CDK7: variants seen among roughly 807,000 people sequenced by gnomAD.
CDK7 encodes the protein cyclin dependent kinase 7.
Under a neutral mutation model 49.1 loss-of-function variants are expected in CDK7, and 25 were observed. That is an observed-to-expected ratio of 0.51 (90% CI 0.37 to 0.71). The LOEUF (loss-of-function observed/expected upper bound fraction) is 0.71. Ranked by LOEUF, CDK7 falls within the 30% of genes least tolerant of loss-of-function variation. The pLI is 0.00. For synonymous variants in CDK7, 107 were observed against 140.0 expected, an observed-to-expected ratio of 0.76 and a Z score of 1.67; for missense variants, 316 against 411.7, an observed-to-expected ratio of 0.77 and a Z score of 2.01.
chr5:69,247,631 GGTT>G (rs1171929185), intron 2 of CDK7, among the ~76,000 whole-genome samples: 2 of 150,772 alleles, frequency 1.3e-5, no homozygotes, highest in Admixed American at 1.3e-4. Flanking sequence ...CTTGTTTTCT[GGTT>G]GTTTTGTGGT....
At chr5:69,240,928 C>G (rs1391195606) in intron 2 of CDK7, among the ~76,000 whole-genome samples, 1 of 151,974 alleles carries the variant, frequency 6.6e-6, no homozygotes, top group Non-Finnish European at 1.5e-5. Context: ...CACCTGGCCT[C>G]TTTTATTTTT....
intron 2 of CDK7, 51 bp downstream of exon 2, chr5:69,235,504 TATTA>T (rs1318629375): frequency 3.3e-6 from 4 of 1,217,178 alleles, no homozygotes; most frequent in Non-Finnish European, 3.7e-6. Flanking sequence ...ATGTCTGTAT[TATTA>T]ATTGACTGAT....
chr5:69,245,309 C>CCCCCCCCCTTT (rs1749675745), intron 2 of CDK7, among the ~76,000 whole-genome samples: 2 of 106,054 alleles, frequency 1.9e-5, no homozygotes, highest in Admixed American at 2.2e-4. Flanking sequence ...CCCTCCCCTT[C>CCCCCCCCCTTT]CCCCTCCCCT....
intron 5 of CDK7, among the ~76,000 whole-genome samples, chr5:69,256,533 G>C (rs1750502048): frequency 6.6e-6 from 1 of 151,644 alleles, no homozygotes. Flanking sequence ...TAGAGATGGG[G>C]TTTCACTATG....
intron 2 of CDK7, among the ~76,000 whole-genome samples, chr5:69,243,689 A>G (rs1231305877): frequency 6.6e-6 from 1 of 152,106 alleles, no homozygotes; most frequent in Non-Finnish European, 1.5e-5. Context: ...GTATATTGAT[A>G]GAGATTACAT....
At chr5:69,268,463 G>C (rs186341098) in intron 8 of CDK7, among the ~76,000 whole-genome samples, 2 of 152,100 alleles carry the variant, frequency 1.3e-5, no homozygotes, top group African/African-American at 4.8e-5. Flanking sequence ...ATCTAATAAC[G>C]TACCCAATAC....
intron 5 of CDK7, chr5:69,255,844 A>AT (rs1284513831): frequency 3.4e-6 from 1 of 290,614 alleles, no homozygotes; most frequent in Non-Finnish European, 6.6e-6. Flanking sequence ...TTTTTTTGTG[A>AT]TGGAGTCTCA....
Position 69,258,081 on chromosome 5 carries a change from A to G in CDK7, c.336A>G (p.Ser112=), listed in dbSNP as rs374386584. The change falls in exon 6 of 12, where the codon TCA becomes TCG. Residue 112 remains serine (S), a synonymous_variant. Transcript: ENST00000256443. ...IKDNSLVLTP[S]HIKAYMLMTL... ...ATAATAGTCTTGTGCTGACACCATC[A>G]CACATCAAAGCCTACATGTTGATGA... 4 of 1,598,024 alleles carry G rather than the reference A, an allele frequency of 2.5e-6. No individual in the cohort carries two copies. In the African/African-American group the frequency reaches 5.4e-5, roughly 21 times the overall value.
intron 8 of CDK7, among the ~76,000 whole-genome samples, chr5:69,264,457 A>C (rs1037900305): frequency 6.6e-6 from 1 of 152,162 alleles, no homozygotes; most frequent in African/African-American, 2.4e-5. Flanking sequence ...AGGCAGGAGA[A>C]TCTCTTGAGC....
At chr5:69,272,486 C>G (rs957058774) in intron 9 of CDK7, among the ~76,000 whole-genome samples, 1 of 152,086 alleles carries the variant, frequency 6.6e-6, no homozygotes, top group Non-Finnish European at 1.5e-5. Flanking sequence ...TAATTAACAT[C>G]CTTCCTCTGT....
Position 69,267,292 on chromosome 5 carries a change from C to CTTT in CDK7, c.628-1889_628-1887dup, listed in dbSNP as rs71612523. Among the ~76,000 whole-genome samples the CTTT allele has an allele frequency of 1.9e-3, 172 of 91,086 alleles. 13 individuals are homozygous for CTTT. The highest frequency in any genetic ancestry group is 2.5e-3 in the Non-Finnish European group (121 of 47,640). The allele number at this position is 91,086 out of a possible 152,430, so 59.8% of individuals were successfully genotyped here. A position where few individuals can be genotyped will look rare whatever the true frequency, so the allele number is the denominator to read the frequency against. On this transcript the variant is annotated intron_variant, in intron 8 of 11. Transcript: ENST00000256443. ...TTAGTATTTTTCTCTATAAGGATTC[C>CTTT]TTTTTTTTTTTTTTTTTTTTTTTTT... is the stretch of plus-strand genomic sequence containing the variant.
At chr5:69,249,771 A>T (rs534977809) in intron 2 of CDK7, among the ~76,000 whole-genome samples, 1 of 152,126 alleles carries the variant, frequency 6.6e-6, no homozygotes, top group South Asian at 2.1e-4. Context: ...GCTTGAACCC[A>T]GGAGGCAGAG....
chr5:69,262,097 A>G (rs1368849714), intron 7 of CDK7, 108 bp from the exon 8 acceptor site: 13 of 1,344,410 alleles, frequency 9.7e-6, no homozygotes, highest in Admixed American at 5.4e-5. Flanking sequence ...CCTTAAAGTA[A>G]GGGATTGCCT....
At chr5:69,241,838 TA>T (rs1749413110) in intron 2 of CDK7, among the ~76,000 whole-genome samples, 1 of 152,156 alleles carries the variant, frequency 6.6e-6, no homozygotes, top group Admixed American at 6.6e-5. Context: ...AGTTTGCAAA[TA>T]TTTTCTCTCA....
At chr5:69,273,135 TA>T (rs1478377228) in intron 10 of CDK7, 94 bp downstream of exon 10, 2 of 881,572 alleles carry the variant, frequency 2.3e-6, no homozygotes, top group Non-Finnish European at 3.3e-6. Context: ...TAACATTTTT[TA>T]AATACTGGAA....
In CDK7 at chr5:69,277,363, A is replaced by C. The variant is rs2150250250; in HGVS notation, c.*228A>C. On this transcript the variant is annotated 3_prime_UTR_variant, in exon 12 of 12. Coordinates refer to ENST00000256443, the MANE Select transcript of CDK7 (RefSeq NM_001799.4). ...AGTGAGAAAAGTTCAATACTCTTGAAATGTAGAATTGAAAATGCATTAGGG... is the reference window on the plus strand; with the variant it reads ...AGTGAGAAAAGTTCAATACTCTTGACATGTAGAATTGAAAATGCATTAGGG... 7.6e-6 allele frequency: 3 copies of C among 394,688 alleles called. No homozygotes were observed. The highest frequency in any genetic ancestry group is 1.4e-5 in the Non-Finnish European group (3 of 218,376). 24.4% of individuals were successfully genotyped at this position (394,688 alleles called of 1,614,324 possible). A position where few individuals can be genotyped will look rare whatever the true frequency, so the allele number is the denominator to read the frequency against.
At chr5:69,246,709 T>TG (rs60793193) in intron 2 of CDK7, among the ~76,000 whole-genome samples, 1 of 104,166 alleles carries the variant, frequency 9.6e-6, no homozygotes, top group Non-Finnish European at 1.8e-5. Flanking sequence ...TTGTTTTTGG[T>TG]TTTTTTTTTT....
At chr5:69,249,289 C>A (rs2150197071) in intron 2 of CDK7, among the ~76,000 whole-genome samples, 1 of 152,242 alleles carries the variant, frequency 6.6e-6, no homozygotes, top group African/African-American at 2.4e-5. Context: ...GCCTGTAATC[C>A]CAGCACTTTG....
intron 2 of CDK7, among the ~76,000 whole-genome samples, chr5:69,238,439 C>T (rs566982353): frequency 2.6e-5 from 4 of 151,816 alleles, no homozygotes; most frequent in African/African-American, 7.2e-5. Flanking sequence ...TGCATGCCAC[C>T]GTGCCCCACT....
Sources: allele counts gnomAD v4.1 joint callset (sites outside exome capture counted in the v4.1 genomes callset), GRCh38; gene constraint gnomAD v4.1.1; transcripts MANE v1.5; gene names NCBI Gene and HGNC (gene_info 2026-07-23, HGNC 2026-07-21).